The following LMBRD1 variants were observed in gnomAD, a reference collection of about 807,000 sequenced individuals.
LMBRD1 encodes LMBR1 domain containing 1.
Under a neutral mutation model 74.8 loss-of-function variants are expected in LMBRD1, and 64 were observed. The ratio of observed to expected loss-of-function variants is 0.86; its 90% CI spans 0.70 to 1.05. LMBRD1 has a LOEUF of 1.05. Ranked by LOEUF, LMBRD1 falls within the 50% of genes least tolerant of loss-of-function variation. LMBRD1 has a pLI of 0.00. For missense variants in LMBRD1, 652 were observed against 645.9 expected (o/e 1.01, Z -0.10); for synonymous variants, 204 against 216.3 (o/e 0.94, Z 0.50).
chr6:69,746,534 A>C (rs1425971596), intron 5 of LMBRD1: 1 of 153,264 alleles, frequency 6.5e-6, no homozygotes, highest in African/African-American at 2.4e-5. Context: ...GCTTACTGGC[A>C]TAACTTTCCA....
In LMBRD1 at chr6:69,739,810, T is replaced by A. The variant is rs183667398; in HGVS notation, c.563-1795A>T. Among the ~76,000 whole-genome samples, 1,155 of 134,144 alleles carry A rather than the reference T, an allele frequency of 8.6e-3. 22 individuals are homozygous for A. In the East Asian group the frequency reaches 0.092, roughly 11 times the overall value. 88.0% of individuals were successfully genotyped at this position (134,144 alleles called of 152,430 possible). A position where few individuals can be genotyped will look rare whatever the true frequency, so the allele number is the denominator to read the frequency against. On this transcript the variant is annotated intron_variant, in intron 6 of 15. Transcript: ENST00000649934. The stretch of plus-strand genomic sequence containing the variant: ...TTTACTACATATAAAGCATTTTTTT[T>A]AAAAAAGGTTATATAGGCCGGGTGC...
At chr6:69,726,841 T>C (rs1312227950) in intron 7 of LMBRD1, among the ~76,000 whole-genome samples, 2 of 151,122 alleles carry the variant, frequency 1.3e-5, no homozygotes, top group South Asian at 2.1e-4. Flanking sequence ...CTATAGTCAA[T>C]AATAATTTCG....
chr6:69,725,608 A>T (rs184224729), intron 7 of LMBRD1, among the ~76,000 whole-genome samples: 2 of 152,304 alleles, frequency 1.3e-5, no homozygotes, highest in East Asian at 3.9e-4. Context: ...CATTCTTGAC[A>T]AAGGTGCCAA....
At chr6:69,679,726 C>A (rs962547652) in intron 14 of LMBRD1, among the ~76,000 whole-genome samples, 1 of 152,068 alleles carries the variant, frequency 6.6e-6, no homozygotes, top group Non-Finnish European at 1.5e-5. Context: ...AGGTGAATAG[C>A]ATTTGGTCAC....
At chr6:69,748,823 A>G (rs923764515) in intron 5 of LMBRD1, among the ~76,000 whole-genome samples, 1 of 152,096 alleles carries the variant, frequency 6.6e-6, no homozygotes, top group Non-Finnish European at 1.5e-5. Context: ...GAATTCATTG[A>G]CAAAGATTTA....
chr6:69,729,738 T>C lies in LMBRD1; in HGVS notation c.636+8204A>G, dbSNP rs1338143383. On this transcript the variant is annotated intron_variant, in intron 7 of 15. Transcript: ENST00000649934. ...AACATAAGACCAGAACAAAACACTA[T>C]TTTTAAATTTTTAATTGTCCGAAGA... Among the ~76,000 whole-genome samples the C allele has an allele frequency of 2.0e-5, 3 of 152,018 alleles. No individual in the cohort carries two copies. The South Asian group carries it at 6.2e-4, about 31-fold the overall frequency.
At chr6:69,782,781 T>C (rs749177655) in intron 2 of LMBRD1, among the ~76,000 whole-genome samples, 13 of 152,296 alleles carry the variant, frequency 8.5e-5, no homozygotes, top group Middle Eastern at 3.4e-3. Context: ...CTTTGCCTAA[T>C]GTAGTTACAA....
In LMBRD1 at chr6:69,710,789, A is replaced by T. The variant is rs114472298; in HGVS notation, c.915+2856T>A. On this transcript the variant is annotated intron_variant, in intron 9 of 15. Coordinates refer to ENST00000649934, the MANE Select transcript of LMBRD1 (RefSeq NM_018368.4). ...TGAGATGCTACTGCATATTCATAAG[A>T]ATAACTCTTACAGACACTACATAAG... 3.7e-3 allele frequency among the ~76,000 whole-genome samples: 570 copies of T among 152,302 alleles called. 4 individuals are homozygous for T. The highest frequency in any genetic ancestry group is 0.013 in the African/African-American group (538 of 41,584).
chr6:69,760,621 C>A (rs1047336225), intron 3 of LMBRD1, among the ~76,000 whole-genome samples: 1 of 152,126 alleles, frequency 6.6e-6, no homozygotes, highest in Non-Finnish European at 1.5e-5. Context: ...CTCCTGATAA[C>A]CCTGCTTCTG....
intron 1 of LMBRD1, chr6:69,790,682 C>A: frequency 1.8e-6 from 1 of 562,416 alleles, no homozygotes; most frequent in South Asian, 2.0e-5. Flanking sequence ...TATGCATACA[C>A]ACACAATACT....
Position 69,764,301 on chromosome 6 carries a change from G to C in LMBRD1, c.308-11945C>G, listed in dbSNP as rs561069543. On this transcript the variant is annotated intron_variant, in intron 3 of 15. Transcript: ENST00000649934. Reference sequence around the variant, plus strand: ...TAGTGTCCTTATAAGAAGAGAAAGAGACCAGAGTACATGCGCTAGATCGTT... The same window carrying C: ...TAGTGTCCTTATAAGAAGAGAAAGACACCAGAGTACATGCGCTAGATCGTT... Among the ~76,000 whole-genome samples, 18 of 151,836 alleles carry C rather than the reference G, an allele frequency of 1.2e-4. No homozygotes were observed. In the East Asian group the frequency reaches 3.5e-3, roughly 30 times the overall value.
At chr6:69,763,606 G>A (rs1765417954) in intron 3 of LMBRD1, among the ~76,000 whole-genome samples, 1 of 152,104 alleles carries the variant, frequency 6.6e-6, no homozygotes, top group Admixed American at 6.6e-5. Context: ...ATTTCAAAGG[G>A]GGTGGGAGGG....
intron 14 of LMBRD1, among the ~76,000 whole-genome samples, chr6:69,683,949 A>G (rs1361122374): frequency 6.6e-6 from 1 of 152,118 alleles, no homozygotes; most frequent in African/African-American, 2.4e-5. Flanking sequence ...ATGCATGCAC[A>G]GAGTTACCAG....
chr6:69,738,599 TACACACAC>T (rs3217690), intron 6 of LMBRD1, among the ~76,000 whole-genome samples: 3 of 145,310 alleles, frequency 2.1e-5, no homozygotes, highest in Admixed American at 6.9e-5. Flanking sequence ...GGTTTAAAAA[TACACACAC>T]ACACACACAC....
At chr6:69,741,301 C>T (rs1000560360) in intron 6 of LMBRD1, among the ~76,000 whole-genome samples, 1 of 151,812 alleles carries the variant, frequency 6.6e-6, no homozygotes, top group African/African-American at 2.4e-5. Context: ...TGGCTAAAAG[C>T]AAGCCTTAAG....
chr6:69,790,239 C>A (rs1209304208), intron 2 of LMBRD1, 57 bp downstream of exon 2: 1 of 1,163,506 alleles, frequency 8.6e-7, no homozygotes, highest in Non-Finnish European at 1.3e-6. Flanking sequence ...TATCGGACTG[C>A]CAAGTGTGCC....
At chr6:69,708,775 T>G (rs545516548) in intron 9 of LMBRD1, among the ~76,000 whole-genome samples, 1 of 152,278 alleles carries the variant, frequency 6.6e-6, no homozygotes, top group South Asian at 2.1e-4. Flanking sequence ...AAGGTAACAC[T>G]GGCACAAAAT....
chr6:69,795,794 C>A (rs1019177635), intron 1 of LMBRD1, among the ~76,000 whole-genome samples: 1 of 152,102 alleles, frequency 6.6e-6, no homozygotes, highest in Admixed American at 6.5e-5. Flanking sequence ...CTTTTATTTT[C>A]TTTTTTTAGT....
In LMBRD1 at chr6:69,796,936, G is replaced by A; in HGVS notation, c.-55C>T. 1 of 1,476,132 alleles carries A rather than the reference G, an allele frequency of 6.8e-7. No individual in the cohort carries two copies. Among genetic ancestry groups the A allele is most frequent in the Non-Finnish European group, 9.4e-7 (1 of 1,062,534 alleles). The allele number at this position is 1,476,132 out of a possible 1,614,324, so 91.4% of individuals were successfully genotyped here. On this transcript the variant is annotated 5_prime_UTR_variant, in exon 1 of 16. Coordinates refer to ENST00000649934, the MANE Select transcript of LMBRD1 (RefSeq NM_018368.4). The stretch of plus-strand genomic sequence containing the variant: ...GCCCGGGGTGGGGAAAGGGGAGGGG[G>A]AAAGGGGAGAGAGCGCGAGATATAC...
Sources: allele counts gnomAD v4.1 joint callset (sites outside exome capture counted in the v4.1 genomes callset), GRCh38; gene constraint gnomAD v4.1.1; transcripts MANE v1.5; gene names NCBI Gene and HGNC (gene_info 2026-07-23, HGNC 2026-07-21).